The following GSE1 variants were observed in gnomAD, a reference collection of about 807,000 sequenced individuals.
The protein encoded by GSE1 is Gse1 coiled-coil protein.
A neutral mutation model predicts 112.6 loss-of-function variants in GSE1; 32 were observed. The ratio of observed to expected loss-of-function variants is 0.28; its 90% confidence interval spans 0.21 to 0.38. The LOEUF (loss-of-function observed/expected upper bound fraction) is 0.38, where lower values mean the gene tolerates loss of function less well. GSE1 is among the 10% of genes least tolerant of loss of function. The pLI, the probability that GSE1 is intolerant of heterozygous loss-of-function variation, is 1.00. For missense variants in GSE1, 2,348 were observed against 1,699.2 expected, an observed-to-expected ratio of 1.38 and a Z score of -6.71; for synonymous variants, 1,115 against 735.6, an observed-to-expected ratio of 1.52 and a Z score of -8.35.
At chr16:85,328,380 A>C (rs1038796210) in intron 1 of GSE1, among the ~76,000 whole-genome samples, 6 of 152,170 alleles carry the variant, frequency 3.9e-5, no homozygotes, top group African/African-American at 1.4e-4. Context: ...TCGGGGCTGC[A>C]GGAAGAGCCG....
Position 85,672,648 on chromosome 16 carries a change from A to C in GSE1, c.*109A>C. 4 of 743,174 alleles carry C rather than the reference A, an allele frequency of 5.4e-6. No homozygotes were observed. The highest frequency in any genetic ancestry group is 8.0e-6 in the Non-Finnish European group (4 of 497,258). 46.0% of individuals were successfully genotyped at this position (743,174 alleles called of 1,614,324 possible). A position where few individuals can be genotyped will look rare whatever the true frequency, so the allele number is the denominator to read the frequency against. On this transcript the variant is annotated 3_prime_UTR_variant, in exon 16 of 16. Transcript: ENST00000253458. ...GAGGTTTGAAGCTTACAAAATGAGA[A>C]TGTGCCATGCATGAAGCAAAGGATT... is the stretch of plus-strand genomic sequence containing the variant.
intron 2 of GSE1, among the ~76,000 whole-genome samples, chr16:85,539,031 A>ACG (rs1180461091): frequency 2.6e-5 from 4 of 152,168 alleles, no homozygotes; most frequent in African/African-American, 9.7e-5. Flanking sequence ...GTGCCCCTGC[A>ACG]CAGTGCCAGC....
rs143716567 is a variant in GSE1, at chr16:85,263,685, G to A, written c.2283+91878G>A. Among the ~76,000 whole-genome samples, 952 of 151,740 alleles carry A rather than the reference G, an allele frequency of 6.3e-3. 5 individuals are homozygous for A. Among genetic ancestry groups the A allele is most frequent in the Non-Finnish European group, 0.011 (737 of 67,924 alleles). ...CCTCCAGGGTTGAAGCGATTCTCCC[G>A]CCTCAGCCTCCCAAGTAGCTGGGAT... On this transcript the variant is annotated intron_variant, in intron 1 of 2. Coordinates refer to the GSE1 transcript ENST00000637419.
At chr16:85,654,563 G>A (rs2051739419) in intron 4 of GSE1, 113 bp downstream of exon 4, 2 of 971,668 alleles carry the variant, frequency 2.1e-6, no homozygotes, top group African/African-American at 1.6e-5. Context: ...CCTGCTAGAT[G>A]GTTGTCGGCC....
chr16:85,360,305 C>A (rs926525475), intron 2 of GSE1, among the ~76,000 whole-genome samples: 3 of 152,186 alleles, frequency 2.0e-5, no homozygotes, highest in African/African-American at 7.2e-5. Context: ...TTGTGGGGGA[C>A]CCCCGTGAGT....
chr16:85,259,350 C>A (rs1222646680), intron 1 of GSE1, among the ~76,000 whole-genome samples: 1 of 151,964 alleles, frequency 6.6e-6, no homozygotes, highest in East Asian at 1.9e-4. Context: ...CTCGCCCCTT[C>A]CCTCCGTGCT....
chr16:85,290,198 G>A (rs2045166455), intron 1 of GSE1, among the ~76,000 whole-genome samples: 2 of 152,170 alleles, frequency 1.3e-5, no homozygotes, highest in South Asian at 4.1e-4. Context: ...GCACTCCTGA[G>A]GGCAGCCTTC....
intron 1 of GSE1, among the ~76,000 whole-genome samples, chr16:85,338,941 G>A (rs2046563363): frequency 6.6e-6 from 1 of 152,226 alleles, no homozygotes; most frequent in Non-Finnish European, 1.5e-5. Context: ...GCCCGCAGCA[G>A]GCAGAAGCAT....
At chr16:85,518,206 G>A (rs1459370507) in intron 2 of GSE1, among the ~76,000 whole-genome samples, 2 of 152,266 alleles carry the variant, frequency 1.3e-5, no homozygotes, top group African/African-American at 4.8e-5. Context: ...TGACGCCTTG[G>A]TGGGGGGCTT....
chr16:85,201,484 G>T (rs7193671), intron 1 of GSE1, among the ~76,000 whole-genome samples: 1 of 151,252 alleles, frequency 6.6e-6, no homozygotes, highest in Non-Finnish European at 1.5e-5. Flanking sequence ...GTGGTGAAAC[G>T]CCATCTGTAC....
intron 1 of GSE1, among the ~76,000 whole-genome samples, chr16:85,354,983 G>A (rs373325259): frequency 1.3e-5 from 2 of 152,242 alleles, no homozygotes; most frequent in African/African-American, 4.8e-5. Flanking sequence ...CAAGTGTGCT[G>A]GCCTGAGGTG....
intron 2 of GSE1, among the ~76,000 whole-genome samples, chr16:85,646,950 C>G (rs975292958): frequency 6.6e-6 from 1 of 152,094 alleles, no homozygotes; most frequent in Non-Finnish European, 1.5e-5. Flanking sequence ...CAGGAGGACT[C>G]TTGCAGCAGG....
intron 3 of GSE1, among the ~76,000 whole-genome samples, chr16:85,650,892 C>T (rs1457673130): frequency 6.6e-6 from 1 of 151,952 alleles, no homozygotes; most frequent in African/African-American, 2.4e-5. Context: ...CTCGGGGTCA[C>T]CCCTCTCTCC....
At chr16:85,187,726 T>G (rs1442337451) in intron 1 of GSE1, among the ~76,000 whole-genome samples, 1 of 152,186 alleles carries the variant, frequency 6.6e-6, no homozygotes, top group Non-Finnish European at 1.5e-5. Context: ...CTTGGGCTCC[T>G]CACCCACACA....
At chr16:85,336,102 G>GGC (rs2046477897) in intron 1 of GSE1, among the ~76,000 whole-genome samples, 2 of 152,192 alleles carry the variant, frequency 1.3e-5, no homozygotes, top group Non-Finnish European at 2.9e-5. Flanking sequence ...TCAGGCCAGG[G>GGC]TCCTCCTGGA....
intron 1 of GSE1, among the ~76,000 whole-genome samples, chr16:85,274,229 T>A (rs1039935463): frequency 3.3e-5 from 5 of 151,348 alleles, no homozygotes; most frequent in African/African-American, 1.2e-4. Flanking sequence ...ACTAAAAATA[T>A]ACAATCAGCT....
At chr16:85,554,799 A>G (rs1265140584), upstream of GSE1, 438 of 693,666 alleles carry the variant, frequency 6.3e-4, no homozygotes, top group Admixed American at 4.5e-3. Flanking sequence ...GGGAGGACGG[A>G]CGGGCGGGCG....
intron 1 of GSE1, among the ~76,000 whole-genome samples, chr16:85,590,178 GTA>G (rs1261483635): frequency 2.0e-5 from 3 of 152,078 alleles, no homozygotes; most frequent in Non-Finnish European, 4.4e-5. Flanking sequence ...GTGACATTGT[GTA>G]TGTCACTGAA....
At chr16:85,545,876 G>C (rs1288369602) in intron 2 of GSE1, among the ~76,000 whole-genome samples, 1 of 152,032 alleles carries the variant, frequency 6.6e-6, no homozygotes, top group Non-Finnish European at 1.5e-5. Flanking sequence ...TCCGCCTCCC[G>C]GGTTCACGCC....
Sources: gnomAD v4.1 joint callset for allele counts (sites outside exome capture counted in the v4.1 genomes callset) on GRCh38, gnomAD v4.1.1 for gene constraint, MANE v1.5 for transcripts, NCBI Gene and HGNC (gene_info 2026-07-23, HGNC 2026-07-21) for gene names.